CILK1: variants seen among roughly 807,000 people sequenced by gnomAD.
CILK1 encodes serine/threonine-protein kinase ICK.
Under a neutral mutation model 79.2 loss-of-function variants are expected in CILK1, and 47 were observed. The observed-to-expected ratio is 0.59, with a 90% CI of 0.47 to 0.76. The LOEUF is 0.76. Ranked by LOEUF, CILK1 falls within the 30% of genes least tolerant of loss-of-function variation. The pLI is 0.00. For missense variants in CILK1, 660 were observed against 769.5 expected, an observed-to-expected ratio of 0.86 and a Z score of 1.68; for synonymous variants, 266 against 275.9, an observed-to-expected ratio of 0.96 and a Z score of 0.36.
intron 2 of CILK1, among the ~76,000 whole-genome samples, chr6:53,039,979 C>T (rs1766595691): frequency 6.6e-6 from 1 of 152,014 alleles, no homozygotes; most frequent in Admixed American, 6.6e-5. Flanking sequence ...GGCAGGAGGA[C>T]TCCCAGGTTT....
At chr6:53,024,351 G>T (rs892119865) in intron 5 of CILK1, among the ~76,000 whole-genome samples, 1 of 152,304 alleles carries the variant, frequency 6.6e-6, no homozygotes, top group East Asian at 1.9e-4. Context: ...TGAATGAAAA[G>T]ATTTCTGATA....
intron 11 of CILK1, among the ~76,000 whole-genome samples, 171 bp downstream of exon 11, chr6:53,011,598 C>CA (rs1188967472): frequency 1.8e-4 from 27 of 150,858 alleles, no homozygotes; most frequent in East Asian, 1.9e-4. Flanking sequence ...GACTCCAACT[C>CA]AAAAAAAAAG....
Position 53,060,836 on chromosome 6 carries a change from T to A in CILK1, c.-173+760A>T, listed in dbSNP as rs183742173. 11 of 152,270 alleles carry A rather than the reference T, an allele frequency of 7.2e-5. No individual in the cohort carries two copies. The East Asian group carries it at 2.1e-3, about 29-fold the overall frequency. 9.4% of individuals were successfully genotyped at this position (152,270 alleles called of 1,614,324 possible). A position where few individuals can be genotyped will look rare whatever the true frequency, so the allele number is the denominator to read the frequency against. On this transcript the variant is annotated intron_variant, in intron 1 of 13. Transcript: ENST00000676107. ...CTGAAACTCCACTCACTGGGAAATG[T>A]GAGAAATGAAAACTGTAACTATCAA...
At chr6:53,015,324 A>G (rs1332001422) in intron 8 of CILK1, among the ~76,000 whole-genome samples, 1 of 152,158 alleles carries the variant, frequency 6.6e-6, no homozygotes, top group Non-Finnish European at 1.5e-5. Flanking sequence ...CAGCGTTACC[A>G]TACCTCTTTT....
rs1768492748 is a variant in CILK1, at chr6:53,061,792, G to A, written c.-369C>T. 1 of 152,270 alleles carries A rather than the reference G, an allele frequency of 6.6e-6. No homozygotes were observed. The highest frequency in any genetic ancestry group is 2.4e-5 in the African/African-American group (1 of 41,464). The allele number at this position is 152,270 out of a possible 1,614,324, so 9.4% of individuals were successfully genotyped here. ...GCGCATGGTAGTGCAGCAGGAACCC[G>A]GCCGTTTTCCAGCCTCCGGCAGGAA... On this transcript the variant is annotated 5_prime_UTR_variant, in exon 1 of 14. Coordinates refer to ENST00000676107, the MANE Select transcript of CILK1 (RefSeq NM_014920.5).
At chr6:53,038,233 G>C (rs1042443277) in intron 2 of CILK1, among the ~76,000 whole-genome samples, 1 of 152,158 alleles carries the variant, frequency 6.6e-6, no homozygotes, top group African/African-American at 2.4e-5. Flanking sequence ...CTGGACTGCT[G>C]TCTTACTCTA....
chr6:53,039,654 C>T (rs562316543), intron 2 of CILK1, among the ~76,000 whole-genome samples: 1 of 152,152 alleles, frequency 6.6e-6, no homozygotes, highest in Non-Finnish European at 1.5e-5. Context: ...CTGGCATGGG[C>T]ATAGAGCTGT....
chr6:53,021,612 A>T (rs754249652), intron 5 of CILK1, among the ~76,000 whole-genome samples: 5 of 152,174 alleles, frequency 3.3e-5, no homozygotes, highest in Non-Finnish European at 7.3e-5. Flanking sequence ...TGCTCCAATC[A>T]GGTGCAACTC....
intron 1 of CILK1, chr6:53,054,825 C>T (rs904212429): frequency 2.0e-5 from 3 of 152,252 alleles, no homozygotes; most frequent in African/African-American, 7.2e-5. Flanking sequence ...TGCCCCAATT[C>T]CCTCCCCTCA....
chr6:53,054,214 C>G (rs1217242189), intron 1 of CILK1, among the ~76,000 whole-genome samples: 2 of 152,132 alleles, frequency 1.3e-5, no homozygotes, highest in Admixed American at 6.5e-5. Flanking sequence ...CCCCAACCTA[C>G]ACATATAGAC....
intron 3 of CILK1, 51 bp from the exon 4 acceptor site, chr6:53,032,705 G>A (rs142354635): frequency 3.4e-6 from 5 of 1,489,748 alleles, no homozygotes; most frequent in East Asian, 4.7e-5. Flanking sequence ...GAGAAAATCT[G>A]TTGTTGAAAA....
intron 1 of CILK1, among the ~76,000 whole-genome samples, chr6:53,048,509 GC>G (rs775825376): frequency 4.6e-5 from 7 of 152,224 alleles, no homozygotes; most frequent in Admixed American, 3.3e-4. Flanking sequence ...GCATATCCTA[GC>G]AGGATGTGGT....
intron 11 of CILK1, 39 bp downstream of exon 11, chr6:53,011,730 T>C: frequency 6.3e-7 from 1 of 1,589,988 alleles, no homozygotes; most frequent in Non-Finnish European, 8.6e-7. Flanking sequence ...ACAGGGTTTC[T>C]TATTAATAAT....
At chr6:53,055,245 TA>T (rs1486486174) in intron 1 of CILK1, among the ~76,000 whole-genome samples, 1 of 152,260 alleles carries the variant, frequency 6.6e-6, no homozygotes, top group East Asian at 1.9e-4. Context: ...TACAGGTTTA[TA>T]ATTAGACTTC....
intron 2 of CILK1, 67 bp from the exon 3 acceptor site, chr6:53,038,060 A>C: frequency 9.4e-7 from 1 of 1,060,274 alleles, no homozygotes; most frequent in Non-Finnish European, 1.5e-6. Flanking sequence ...TGCTTTTAGA[A>C]AAATGCTTCC....
intron 1 of CILK1, among the ~76,000 whole-genome samples, chr6:53,053,960 G>A (rs1325160970): frequency 6.6e-6 from 1 of 151,926 alleles, no homozygotes; most frequent in East Asian, 1.9e-4. Context: ...GTGATTCTGT[G>A]ACTCTGTATC....
intron 1 of CILK1, among the ~76,000 whole-genome samples, chr6:53,048,320 A>G (rs911950810): frequency 1.3e-5 from 2 of 152,212 alleles, no homozygotes; most frequent in African/African-American, 4.8e-5. Context: ...TGTACAAAGG[A>G]TATCAGAGAG....
intron 5 of CILK1, among the ~76,000 whole-genome samples, chr6:53,028,555 G>T (rs1240735369): frequency 6.6e-6 from 1 of 152,130 alleles, no homozygotes; most frequent in Non-Finnish European, 1.5e-5. Flanking sequence ...TGATAAATTG[G>T]CAAGGAAATA....
At chr6:53,006,470 A>G (rs1764227839) in intron 12 of CILK1, 33 bp from the exon 13 acceptor site, 1 of 1,609,782 alleles carries the variant, frequency 6.2e-7, no homozygotes, top group African/African-American at 1.3e-5. Context: ...TCATTATTAC[A>G]AAGACATGTA....
Sources: gnomAD v4.1 joint callset for allele counts (sites outside exome capture counted in the v4.1 genomes callset) on GRCh38, gnomAD v4.1.1 for gene constraint, MANE v1.5 for transcripts, NCBI Gene and HGNC (gene_info 2026-07-23, HGNC 2026-07-21) for gene names.